The following COL5A1 variants were observed in gnomAD, a reference collection of about 807,000 sequenced individuals.
COL5A1 encodes the protein collagen alpha-1(V) chain.
In COL5A1, 16 loss-of-function variants were observed where a neutral mutation model predicts 263.7. The observed-to-expected ratio is 0.06, with a 90% CI of 0.04 to 0.09. COL5A1 has a LOEUF of 0.09. Ranked by LOEUF, COL5A1 falls within the 10% of genes least tolerant of loss-of-function variation. The pLI is 1.00. For missense variants in COL5A1, 2,036 were observed against 2,540.5 expected, an observed-to-expected ratio of 0.80 and a Z score of 4.27; for synonymous variants, 1,012 against 1,004.5, an observed-to-expected ratio of 1.01 and a Z score of -0.14.
At chr9:134,687,433 AT>A (rs1833115339) in intron 1 of COL5A1, among the ~76,000 whole-genome samples, 1 of 151,534 alleles carries the variant, frequency 6.6e-6, no homozygotes, top group African/African-American at 2.4e-5. Flanking sequence ...CCATCCATCC[AT>A]CCATCCATCC....
intron 9 of COL5A1, among the ~76,000 whole-genome samples, chr9:134,737,224 G>A (rs10125386): frequency 0.02 from 3,122 of 152,338 alleles, 112 homozygotes; most frequent in African/African-American, 0.07. Context: ...CGCCATGGCC[G>A]CAGTTCCTGC....
chr9:134,743,712 C>T (rs1215927892), intron 11 of COL5A1, among the ~76,000 whole-genome samples: 1 of 152,206 alleles, frequency 6.6e-6, no homozygotes, highest in Non-Finnish European at 1.5e-5. Context: ...AATAATGATG[C>T]TGCCCGGCGC....
At chr9:134,713,418 A>G (rs995947638) in intron 4 of COL5A1, among the ~76,000 whole-genome samples, 8 of 152,202 alleles carry the variant, frequency 5.3e-5, no homozygotes, top group African/African-American at 1.9e-4. Context: ...CTTCCTGACG[A>G]TGGTTGATTT....
At position 134,795,071 on chromosome 9, in the gene COL5A1, T is replaced by C. The variant is rs993547664; in HGVS notation, c.2701-11T>C. The C allele has an allele frequency of 2.5e-6, 4 of 1,613,878 alleles. No homozygotes were observed. Among genetic ancestry groups the C allele is most frequent in the Non-Finnish European group, 3.4e-6 (4 of 1,179,904 alleles). On this transcript the variant is annotated splice_polypyrimidine_tract_variant and intron_variant, in intron 32 of 65. Transcript: ENST00000371817. ...TAGAGAGTGACTGACCAGCCCCTTCTCTGATTCTAGGGGACCCCTGGAAAG... is the reference window on the plus strand; with the variant it reads ...TAGAGAGTGACTGACCAGCCCCTTCCCTGATTCTAGGGGACCCCTGGAAAG...
intron 1 of COL5A1, among the ~76,000 whole-genome samples, chr9:134,655,834 C>T (rs1000261569): frequency 2.0e-5 from 3 of 152,156 alleles, no homozygotes; most frequent in Non-Finnish European, 4.4e-5. Context: ...GTGGGCTTGT[C>T]AGAGCCTCTG....
chr9:134,706,794 C>T (rs72772584), intron 4 of COL5A1, among the ~76,000 whole-genome samples: 41 of 152,320 alleles, frequency 2.7e-4, no homozygotes, highest in South Asian at 6.2e-4. Context: ...CCCTGGAGTC[C>T]CCTGGCCCAT....
rs1036955004 is a variant in COL5A1, at chr9:134,802,830, TCTCA to T, written c.3007-54_3007-51del. On this transcript the variant is annotated intron_variant, in intron 38 of 65. Coordinates refer to ENST00000371817, the MANE Select transcript of COL5A1 (RefSeq NM_000093.5). The stretch of plus-strand genomic sequence containing the variant: ...GCTGTCCTTAGATTTAGGAAGAGAT[TCTCA>T]CTCCCTTGCAAGTCACTCGAAACGT... 4 of 1,274,046 alleles carry T rather than the reference TCTCA, an allele frequency of 3.1e-6. No homozygotes were observed. In the African/African-American group the frequency reaches 4.4e-5, roughly 14 times the overall value. The allele number at this position is 1,274,046 out of a possible 1,614,324, so 78.9% of individuals were successfully genotyped here.
At chr9:134,695,123 T>A (rs908306503) in intron 2 of COL5A1, among the ~76,000 whole-genome samples, 2 of 152,112 alleles carry the variant, frequency 1.3e-5, no homozygotes, top group African/African-American at 4.8e-5. Flanking sequence ...GTGCTGTGGG[T>A]GGGGTCCTCT....
intron 64 of COL5A1, among the ~76,000 whole-genome samples, chr9:134,831,118 C>T (rs967470405): frequency 1.3e-5 from 2 of 152,222 alleles, no homozygotes; most frequent in Non-Finnish European, 2.9e-5. Flanking sequence ...AGCCTGACCA[C>T]TTGCCATGGG....
At chr9:134,745,146 G>A (rs1221585655) in intron 11 of COL5A1, among the ~76,000 whole-genome samples, 1 of 152,238 alleles carries the variant, frequency 6.6e-6, no homozygotes, top group African/African-American at 2.4e-5. Context: ...GAGATCAGTG[G>A]GAACTGTGGG....
At chr9:134,803,516 T>G (rs1446243234) in intron 39 of COL5A1, among the ~76,000 whole-genome samples, 1 of 152,108 alleles carries the variant, frequency 6.6e-6, no homozygotes, top group African/African-American at 2.4e-5. Flanking sequence ...GCACCTGTAA[T>G]CCCACCTACT....
chr9:134,741,743 C>G lies in COL5A1; in HGVS notation c.1494+2935C>G, dbSNP rs943679137. ...TCGTTCTGCAGGGGAGTGGCGTGCT[C>G]TGTCCCCTCCGTCTGCTTGGCCTCC... On this transcript the variant is annotated intron_variant, in intron 11 of 65. Transcript: ENST00000371817. This position sits in a 1 kb window ranked among gnomAD's most constrained non-coding sequence, Gnocchi z 4.5. Among the ~76,000 whole-genome samples the G allele has an allele frequency of 2.6e-5, 4 of 152,152 alleles. No homozygotes were observed. The highest frequency in any genetic ancestry group is 9.7e-5 in the African/African-American group (4 of 41,434).
At chr9:134,657,526 T>G (rs200401925) in intron 1 of COL5A1, among the ~76,000 whole-genome samples, 80 of 5,410 alleles carry the variant, frequency 0.015, no homozygotes, top group Admixed American at 0.032. Context: ...AATATGGGGG[T>G]GGGGTGGGGG....
intron 4 of COL5A1, among the ~76,000 whole-genome samples, chr9:134,703,453 T>A (rs888033946): frequency 6.6e-6 from 1 of 152,080 alleles, no homozygotes. Flanking sequence ...GCAGGTGACA[T>A]TGATGAGCTT....
intron 25 of COL5A1, among the ~76,000 whole-genome samples, chr9:134,770,689 G>A (rs1270893047): frequency 1.3e-5 from 2 of 151,936 alleles, no homozygotes; most frequent in Non-Finnish European, 2.9e-5. Flanking sequence ...ATGAACATAC[G>A]TTACTTTTTT....
rs761030250 is a variant in COL5A1, at chr9:134,754,334, G to T, written c.1827+8G>T. 3 of 1,614,034 alleles carry T rather than the reference G, an allele frequency of 1.9e-6. No individual in the cohort carries two copies. The highest frequency in any genetic ancestry group is 2.7e-5 in the African/African-American group (2 of 75,074). On this transcript the variant is annotated splice_region_variant and intron_variant, in intron 16 of 65. Transcript: ENST00000371817. This position sits in a 1 kb window ranked among gnomAD's most constrained non-coding sequence, Gnocchi z 4.3. ...GGGAAGCCCGGAAGACGGGTGAGTG[G>T]TGCGAGTGTGTGTGGTTTAGTGACA...
Position 134,835,040 on chromosome 9 carries a change from G to C in COL5A1, c.5206G>C (p.Ala1736Pro). 1 of 1,613,454 alleles carries C rather than the reference G, an allele frequency of 6.2e-7. No homozygotes were observed. Among genetic ancestry groups the C allele is most frequent in the Non-Finnish European group, 8.5e-7 (1 of 1,180,024 alleles). The change falls in exon 65 of 66, where the codon GCC becomes CCC. Residue 1736 changes from alanine to proline, a missense_variant. This residue lies in a region of COL5A1 where 358 missense variants were observed against 384.6 expected (regional missense o/e 0.93). Transcript: ENST00000371817. The stretch of plus-strand genomic sequence containing the variant: ...GATGACCTTCCTGCGGCTGCTGAGC[G>C]CCTCTGCCCACCAGAACGTCACCTA... The part of the protein sequence containing the change: ...VQMTFLRLLS[A>P]SAHQNVTYHC...
intron 65 of COL5A1, among the ~76,000 whole-genome samples, chr9:134,837,868 G>T (rs1197217244): frequency 6.6e-6 from 1 of 152,124 alleles, no homozygotes; most frequent in South Asian, 2.1e-4. Context: ...GAGTTACGGC[G>T]ACTCGCCCAA....
intron 32 of COL5A1, among the ~76,000 whole-genome samples, chr9:134,791,827 G>T (rs1837701846): frequency 6.6e-6 from 1 of 152,152 alleles, no homozygotes; most frequent in Non-Finnish European, 1.5e-5. Flanking sequence ...AGTGCTGGGT[G>T]TTCTGCCAGG....
Sources: allele counts gnomAD v4.1 joint callset (sites outside exome capture counted in the v4.1 genomes callset), GRCh38; gene constraint gnomAD v4.1.1; regional missense constraint gnomAD v4.1.1; non-coding constraint Gnocchi (gnomAD v3.1); transcripts MANE v1.5; gene names NCBI Gene and HGNC (gene_info 2026-07-23, HGNC 2026-07-21).